FSTL4: variants seen among roughly 807,000 people sequenced by gnomAD.
FSTL4 encodes follistatin-related protein 4.
FSTL4 carries 28 observed loss-of-function variants against 78.2 expected under a neutral mutation model. The observed-to-expected ratio is 0.36, with a 90% CI of 0.27 to 0.49. FSTL4 has a LOEUF of 0.49. Among genes scored for constraint, FSTL4 ranks in the 20% least tolerant of loss-of-function variants. The probability of loss-of-function intolerance (pLI) is 0.98; values close to 1 mark genes in which losing one functional copy is unlikely to be tolerated. For synonymous variants in FSTL4, 422 were observed against 440.5 expected (o/e 0.96, Z 0.53); for missense variants, 922 against 1,084.9 (o/e 0.85, Z 2.11).
At chr5:133,525,274 G>C (rs1287847036) in intron 3 of FSTL4, among the ~76,000 whole-genome samples, 1 of 152,206 alleles carries the variant, frequency 6.6e-6, no homozygotes, top group African/African-American at 2.4e-5. Context: ...TGCTTGATGA[G>C]GGCTGGGTTG....
At chr5:133,637,036 A>C in the FSTL4 span, among the ~76,000 whole-genome samples, 2 of 152,304 alleles carry the variant, frequency 1.3e-5, no homozygotes, top group East Asian at 1.9e-4. Context: ...GGATAGTAAA[A>C]GGCAAGGTCA....
the FSTL4 span, among the ~76,000 whole-genome samples, chr5:133,737,602 CTTT>C: frequency 2.6e-5 from 3 of 117,630 alleles, no homozygotes; most frequent in African/African-American, 6.6e-5. Flanking sequence ...GGCTGATTTC[CTTT>C]TTTTTTTTTT....
At chr5:133,709,934 G>C in the FSTL4 span, among the ~76,000 whole-genome samples, 1 of 151,986 alleles carries the variant, frequency 6.6e-6, no homozygotes, top group Non-Finnish European at 1.5e-5. Context: ...CCCTGGGCAC[G>C]CTGGGCAAGA....
chr5:133,522,365 C>T (rs1005485251), intron 3 of FSTL4, among the ~76,000 whole-genome samples: 2 of 152,212 alleles, frequency 1.3e-5, no homozygotes, highest in African/African-American at 2.4e-5. Flanking sequence ...CTTCCTTTAA[C>T]GACCCTAGAA....
At chr5:133,229,980 A>G (rs1352359116) in intron 8 of FSTL4, among the ~76,000 whole-genome samples, 1 of 152,208 alleles carries the variant, frequency 6.6e-6, no homozygotes, top group African/African-American at 2.4e-5. Context: ...TTGTCAGAAT[A>G]GGGAACAGAC....
chr5:133,613,414 A>G (rs1344093831), upstream of FSTL4, among the ~76,000 whole-genome samples: 2 of 152,206 alleles, frequency 1.3e-5, no homozygotes, highest in African/African-American at 4.8e-5. Context: ...GCTTAGGTGA[A>G]CAGTGTTCTG....
the FSTL4 span, among the ~76,000 whole-genome samples, chr5:133,835,780 G>A: frequency 0.012 from 1,817 of 152,208 alleles, 43 homozygotes; most frequent in African/African-American, 0.042. Context: ...GAAAAAGTTG[G>A]GAAAACTCTA....
chr5:133,280,957 C>T (rs1158936272), intron 6 of FSTL4, among the ~76,000 whole-genome samples: 3 of 152,192 alleles, frequency 2.0e-5, no homozygotes, highest in African/African-American at 7.2e-5. Context: ...GTTTTCCTAT[C>T]TTTCTCCCTA....
At chr5:133,467,257 A>AGTGT (rs34838954) in intron 3 of FSTL4, among the ~76,000 whole-genome samples, 11,814 of 139,152 alleles carry the variant, frequency 0.085, 812 homozygotes, top group African/African-American at 0.19. Flanking sequence ...AGTATATGTG[A>AGTGT]GTGTGTGTGT....
At chr5:133,745,442 A>G in the FSTL4 span, among the ~76,000 whole-genome samples, 1 of 152,256 alleles carries the variant, frequency 6.6e-6, no homozygotes, top group East Asian at 1.9e-4. Flanking sequence ...GGTGGGGGGT[A>G]GAGGGCTGTG....
At chr5:133,517,447 A>AAAAAATATATATATATATATAT (rs1554068019) in intron 3 of FSTL4, among the ~76,000 whole-genome samples, 2 of 16,396 alleles carry the variant, frequency 1.2e-4, no homozygotes, top group African/African-American at 2.8e-4. Context: ...AAAAAAAAAA[A>AAAAAATATATATATATATATAT]ATATATATAT....
chr5:133,497,781 T>C (rs1036432488), intron 3 of FSTL4, among the ~76,000 whole-genome samples: 1 of 152,176 alleles, frequency 6.6e-6, no homozygotes, highest in African/African-American at 2.4e-5. Context: ...GCAAGCATAA[T>C]AGAACACGGT....
At chr5:133,425,236 A>AT (rs34304930) in intron 3 of FSTL4, among the ~76,000 whole-genome samples, 31,129 of 151,998 alleles carry the variant, frequency 0.2, 3,243 homozygotes, top group African/African-American at 0.22. Context: ...CTAAAAAAAA[A>AT]GGTACCTTAG....
At chr5:133,604,883 C>T (rs1286636312) in intron 1 of FSTL4, among the ~76,000 whole-genome samples, 4 of 151,950 alleles carry the variant, frequency 2.6e-5, no homozygotes, top group Admixed American at 2.6e-4. Context: ...TTCAGAATTT[C>T]AATAACCTTT....
chr5:133,441,281 G>T (rs1757155079), intron 3 of FSTL4, among the ~76,000 whole-genome samples: 1 of 152,106 alleles, frequency 6.6e-6, no homozygotes, highest in Non-Finnish European at 1.5e-5. Context: ...GCTCATTGTT[G>T]GTTGAAGGCT....
chr5:133,452,037 A>T (rs989169674), intron 3 of FSTL4, among the ~76,000 whole-genome samples: 1 of 152,180 alleles, frequency 6.6e-6, no homozygotes, highest in Non-Finnish European at 1.5e-5. Context: ...AGGAGCCCAC[A>T]CCTGGCTGGG....
chr5:133,470,487 G>T (rs770745133), intron 3 of FSTL4, among the ~76,000 whole-genome samples: 105 of 152,326 alleles, frequency 6.9e-4, no homozygotes, highest in African/African-American at 2.4e-3. Context: ...GCTCACGCCT[G>T]TAATTGCAGC....
chr5:133,314,987 C>T (rs1024089384), intron 5 of FSTL4, among the ~76,000 whole-genome samples: 1 of 152,026 alleles, frequency 6.6e-6, no homozygotes, highest in Non-Finnish European at 1.5e-5. Flanking sequence ...AATGGTGAAA[C>T]CATATCTCTA....
intron 4 of FSTL4, among the ~76,000 whole-genome samples, chr5:133,322,570 G>A (rs1754098078): frequency 6.6e-6 from 1 of 152,190 alleles, no homozygotes; most frequent in African/African-American, 2.4e-5. Flanking sequence ...CGTGGGCAAT[G>A]GGGGTTCAAT....
Sources: allele counts gnomAD v4.1 joint callset (sites outside exome capture counted in the v4.1 genomes callset), GRCh38; gene constraint gnomAD v4.1.1; transcripts MANE v1.5; gene names NCBI Gene and HGNC (gene_info 2026-07-23, HGNC 2026-07-21).